Variants in ABL2 observed in about 807,000 individuals in gnomAD.
The protein encoded by ABL2 is ABL proto-oncogene 2, non-receptor tyrosine kinase.
Under a neutral mutation model 107.7 loss-of-function variants are expected in ABL2, and 49 were observed. That is an observed-to-expected ratio of 0.45 (90% CI 0.36 to 0.58). The LOEUF (loss-of-function observed/expected upper bound fraction) is 0.58. Ranked by LOEUF, ABL2 falls within the 20% of genes least tolerant of loss-of-function variation. ABL2 has a pLI of 0.00. For missense variants in ABL2, 1,245 were observed against 1,457.0 expected (o/e 0.85, Z 2.37); for synonymous variants, 549 against 548.6 (o/e 1.00, Z -0.01).
intron 1 of ABL2, among the ~76,000 whole-genome samples, chr1:179,159,220 CAG>C (rs1356872842): frequency 6.6e-6 from 1 of 152,170 alleles, no homozygotes; most frequent in Non-Finnish European, 1.5e-5. Context: ...GCTGTAAGTA[CAG>C]ATAACCTCTT....
intron 1 of ABL2, among the ~76,000 whole-genome samples, chr1:179,166,467 T>C (rs945632322): frequency 2.0e-5 from 3 of 149,398 alleles, no homozygotes; most frequent in Non-Finnish European, 4.4e-5. Flanking sequence ...ATTTCTCAAA[T>C]AGCTAACAGG....
intron 4 of ABL2, 48 bp from the exon 5 acceptor site, chr1:179,121,915 A>AATTTT (rs1655239518): frequency 4.3e-6 from 3 of 694,322 alleles, no homozygotes; most frequent in Non-Finnish European, 5.9e-6. Context: ...GAGATTAAGA[A>AATTTT]TTTTTTTTTT....
In ABL2 at chr1:179,132,830, C is replaced by T. The variant is rs1656475308; in HGVS notation, c.220+482G>A. 2.6e-5 allele frequency among the ~76,000 whole-genome samples: 4 copies of T among 151,574 alleles called. No individual in the cohort carries two copies. The South Asian group carries it at 8.4e-4, about 32-fold the overall frequency. On this transcript the variant is annotated intron_variant, in intron 2 of 11. Transcript: ENST00000502732. ...GTGCTGGGATTACAGGCGTGAGCCA[C>T]CACACCCGGCTGACTTATTCCCCGT...
At position 179,174,515 on chromosome 1, in the gene ABL2, C is replaced by T. The variant is rs758106662; in HGVS notation, c.158-41141G>A. On this transcript the variant is annotated intron_variant, in intron 1 of 11. Transcript: ENST00000502732. ...ACCCCAGCTACTCGGGAGGCTAATA[C>T]TTTGAAATATATATATGTGTGTGTA... Among the ~76,000 whole-genome samples the T allele has an allele frequency of 2.8e-4, 42 of 149,894 alleles. No homozygotes were observed. In the Middle Eastern group the frequency reaches 0.01, roughly 37 times the overall value.
intron 1 of ABL2, among the ~76,000 whole-genome samples, chr1:179,137,405 C>T (rs1657135177): frequency 6.6e-6 from 1 of 151,954 alleles, no homozygotes; most frequent in African/African-American, 2.4e-5. Context: ...CATTACTGAA[C>T]ACTACATAAT....
At chr1:179,164,167 A>G (rs1659246953) in intron 1 of ABL2, among the ~76,000 whole-genome samples, 1 of 152,200 alleles carries the variant, frequency 6.6e-6, no homozygotes, top group South Asian at 2.1e-4. Flanking sequence ...CGTACAATAA[A>G]CCAACAAAAT....
chr1:179,202,620 T>C (rs150798702), intron 1 of ABL2, among the ~76,000 whole-genome samples: 2 of 152,360 alleles, frequency 1.3e-5, no homozygotes, highest in East Asian at 1.9e-4. Context: ...AATCAGTGAT[T>C]GATCTGTACC....
At chr1:179,149,064 C>T (rs946595059) in intron 1 of ABL2, among the ~76,000 whole-genome samples, 9 of 152,162 alleles carry the variant, frequency 5.9e-5, no homozygotes, top group South Asian at 2.1e-4. Context: ...TAAAAAACTA[C>T]GTCTCTCGTA....
At chr1:179,112,528 T>C (rs1012261129) in intron 9 of ABL2, 130 bp from the exon 10 acceptor site, 6 of 620,992 alleles carry the variant, frequency 9.7e-6, no homozygotes, top group Middle Eastern at 6.0e-4. Flanking sequence ...TTCACAATGA[T>C]AGCAACATAG....
chr1:179,135,349 T>C (rs1013542263), intron 1 of ABL2, among the ~76,000 whole-genome samples: 2 of 146,008 alleles, frequency 1.4e-5, no homozygotes, highest in African/African-American at 5.1e-5. Context: ...CGGCCGCCCA[T>C]TGTCTGAGAT....
chr1:179,190,873 G>T (rs966462013), intron 1 of ABL2, among the ~76,000 whole-genome samples: 1 of 152,130 alleles, frequency 6.6e-6, no homozygotes, highest in African/African-American at 2.4e-5. Context: ...AAGAAATTCT[G>T]TCACCAAAGT....
chr1:179,118,323 G>C (rs1262252127), intron 7 of ABL2, among the ~76,000 whole-genome samples: 1 of 152,180 alleles, frequency 6.6e-6, no homozygotes, highest in Non-Finnish European at 1.5e-5. Flanking sequence ...GACCAGCCTG[G>C]TCAACATAGC....
At chr1:179,224,264 TTTTG>T (rs1432655285) in intron 1 of ABL2, among the ~76,000 whole-genome samples, 1 of 151,678 alleles carries the variant, frequency 6.6e-6, no homozygotes, top group African/African-American at 2.4e-5. Context: ...ATGTAAGGGT[TTTTG>T]TTTGTTGGTT....
chr1:179,222,147 TAGA>T (rs2124863247), intron 1 of ABL2: 1 of 162,302 alleles, frequency 6.2e-6, no homozygotes, highest in African/African-American at 2.4e-5. Context: ...ATGAAAAGCC[TAGA>T]AGAACAGGAT....
chr1:179,222,640 C>G (rs566562358), intron 1 of ABL2, among the ~76,000 whole-genome samples: 2 of 151,984 alleles, frequency 1.3e-5, no homozygotes, highest in South Asian at 4.1e-4. Flanking sequence ...CCACCCACCT[C>G]GGCCTCCCAA....
intron 1 of ABL2, among the ~76,000 whole-genome samples, chr1:179,222,846 C>T (rs1413503936): frequency 2.0e-5 from 3 of 151,812 alleles, no homozygotes; most frequent in African/African-American, 7.3e-5. Context: ...CACAGTGGCT[C>T]ACGCCTGTAA....
At chr1:179,156,622 C>T (rs947352435) in intron 1 of ABL2, among the ~76,000 whole-genome samples, 16 of 152,118 alleles carry the variant, frequency 1.1e-4, no homozygotes, top group Non-Finnish European at 2.2e-4. Context: ...CACCTGTAAT[C>T]CCAGCACTTT....
chr1:179,180,583 CAGAGAAGAA>C (rs1381459702), intron 1 of ABL2, among the ~76,000 whole-genome samples: 1 of 152,122 alleles, frequency 6.6e-6, no homozygotes, highest in African/African-American at 2.4e-5. Flanking sequence ...AGAAAAGTAA[CAGAGAAGAA>C]AGAGAGTTCC....
In ABL2 at chr1:179,104,036, A is replaced by G. The variant is rs1653315088; in HGVS notation, c.*3682T>C. 1 of 233,256 alleles carries G rather than the reference A, an allele frequency of 4.3e-6. No homozygotes were observed. 14.4% of individuals were successfully genotyped at this position (233,256 alleles called of 1,614,324 possible). A position where few individuals can be genotyped will look rare whatever the true frequency, so the allele number is the denominator to read the frequency against. ...TGATCTGGAGTGGGGCTATTCCGTC[A>G]GTTTTTTTTGTTTGTTTTGTTTTGT... On this transcript the variant is annotated 3_prime_UTR_variant, in exon 12 of 12. Transcript: ENST00000502732.
Sources: gnomAD v4.1 joint callset for allele counts (sites outside exome capture counted in the v4.1 genomes callset) on GRCh38, gnomAD v4.1.1 for gene constraint, MANE v1.5 for transcripts, NCBI Gene and HGNC (gene_info 2026-07-23, HGNC 2026-07-21) for gene names.